The following CDH6 variants were observed in gnomAD, a reference collection of about 807,000 sequenced individuals.
CDH6 encodes the protein cadherin-6.
CDH6 carries 31 observed loss-of-function variants against 78.0 expected under a neutral mutation model. That is an observed-to-expected ratio of 0.40 (90% CI 0.30 to 0.54). CDH6 has a LOEUF of 0.54. Ranked by LOEUF, CDH6 falls within the 20% of genes least tolerant of loss-of-function variation. The pLI, the probability that CDH6 is intolerant of heterozygous loss-of-function variation, is 0.56. For missense variants in CDH6, 724 were observed against 975.9 expected, an observed-to-expected ratio of 0.74 and a Z score of 3.44; for synonymous variants, 376 against 368.8, an observed-to-expected ratio of 1.02 and a Z score of -0.23.
At chr5:31,232,294 G>T (rs934701608) in intron 1 of CDH6, among the ~76,000 whole-genome samples, 1 of 152,106 alleles carries the variant, frequency 6.6e-6, no homozygotes, top group Non-Finnish European at 1.5e-5. Flanking sequence ...ATACATAACT[G>T]GAAAACAGTA....
chr5:31,201,692 C>T (rs1438286504), intron 1 of CDH6, among the ~76,000 whole-genome samples: 2 of 152,116 alleles, frequency 1.3e-5, no homozygotes, highest in African/African-American at 4.8e-5. Context: ...AGTCTGGGGA[C>T]CACTGGTTTA....
chr5:31,209,260 A>G (rs4535467), intron 1 of CDH6, among the ~76,000 whole-genome samples: 126,933 of 152,150 alleles, frequency 0.83, 53,231 homozygotes, highest in Middle Eastern at 0.91. Context: ...GGAAATTGCA[A>G]CTTCCAAGGA....
At chr5:31,312,410 C>T (rs79425438) in intron 7 of CDH6, among the ~76,000 whole-genome samples, 3,784 of 152,254 alleles carry the variant, frequency 0.025, 167 homozygotes, top group African/African-American at 0.086. Context: ...TGCTTAAAAC[C>T]TTTTGTAGCC....
At chr5:31,197,017 C>G (rs1005492062) in intron 1 of CDH6, among the ~76,000 whole-genome samples, 2 of 151,448 alleles carry the variant, frequency 1.3e-5, no homozygotes, top group Non-Finnish European at 2.9e-5. Context: ...AGTGCAATGA[C>G]TGTTTCAGAA....
chr5:31,214,808 A>C (rs189488101), intron 1 of CDH6, among the ~76,000 whole-genome samples: 380 of 152,300 alleles, frequency 2.5e-3, no homozygotes, highest in African/African-American at 8.8e-3. Context: ...CTAGCTTCAA[A>C]ATGTTTGAAC....
chr5:31,304,425 GCTTGTAAT>G (rs1737917863), intron 6 of CDH6, among the ~76,000 whole-genome samples: 1 of 152,070 alleles, frequency 6.6e-6, no homozygotes, highest in Non-Finnish European at 1.5e-5. Context: ...CGTGGCTCAC[GCTTGTAAT>G]CCCAGCACTT....
intron 1 of CDH6, among the ~76,000 whole-genome samples, chr5:31,205,772 T>C (rs1204870505): frequency 6.6e-6 from 1 of 152,202 alleles, no homozygotes. Context: ...TATATGTTCT[T>C]TTTAAAGTAT....
intron 1 of CDH6, among the ~76,000 whole-genome samples, chr5:31,232,901 T>C (rs1225559964): frequency 6.6e-6 from 1 of 152,214 alleles, no homozygotes; most frequent in Admixed American, 6.5e-5. Context: ...TCCTCCAAAA[T>C]AGGTCCTTTA....
rs777800587 is a variant in CDH6, at chr5:31,305,366, A to G, written c.1192A>G (p.Ile398Val). Residue 398 changes from isoleucine to valine, a missense_variant, in exon 7 of 12, where the codon ATA becomes GTA. Transcript: ENST00000265071. ...CTTACAAATAAGAGAAGATGCTCAG[A>G]TAAACACCACAATAGGCTCCGTCAC... The part of the protein sequence containing the change: ...YILQIREDAQ[I>V]NTTIGSVTAQ... The G allele has an allele frequency of 6.2e-7, 1 of 1,614,160 alleles. No homozygotes were observed. Among genetic ancestry groups the G allele is most frequent in the Non-Finnish European group, 8.5e-7 (1 of 1,179,988 alleles).
intron 2 of CDH6, among the ~76,000 whole-genome samples, chr5:31,282,707 C>T (rs888682498): frequency 2.0e-5 from 3 of 152,156 alleles, no homozygotes; most frequent in African/African-American, 7.2e-5. Context: ...TTAAGTTACT[C>T]TGGTACTTTT....
chr5:31,317,098 T>C (rs1738346069), intron 9 of CDH6, among the ~76,000 whole-genome samples: 1 of 152,182 alleles, frequency 6.6e-6, no homozygotes, highest in South Asian at 2.1e-4. Context: ...ATTGTCACAC[T>C]AGAAGGTGCT....
Position 31,294,363 on chromosome 5 carries a change from A to G in CDH6, c.523+107A>G. On this transcript the variant is annotated intron_variant, in intron 3 of 11. Coordinates refer to ENST00000265071, the MANE Select transcript of CDH6 (RefSeq NM_004932.4). The surrounding 1 kb of genome is among the most constrained non-coding windows in gnomAD (Gnocchi z 4.1). ...CTGAACTGCATGAATTTAGATGCTA[A>G]CTTCTTCAATCCATGTATGTCCTTT... 1.2e-6 allele frequency: 1 copy of G among 839,218 alleles called. No homozygotes were observed. Among genetic ancestry groups the G allele is most frequent in the Non-Finnish European group, 1.9e-6 (1 of 515,720 alleles). 52.0% of individuals were successfully genotyped at this position (839,218 alleles called of 1,614,324 possible). A position where few individuals can be genotyped will look rare whatever the true frequency, so the allele number is the denominator to read the frequency against.
intron 1 of CDH6, among the ~76,000 whole-genome samples, chr5:31,214,135 T>C (rs1178491416): frequency 9.2e-6 from 1 of 108,792 alleles, no homozygotes; most frequent in African/African-American, 3.5e-5. Context: ...AAGGAATCTG[T>C]GCCTTAAAAA....
chr5:31,277,231 A>C lies in CDH6; in HGVS notation c.228+9530A>C, dbSNP rs185258152. On this transcript the variant is annotated intron_variant, in intron 2 of 11. Transcript: ENST00000265071. ...CCTGGCAACTGGTAGATTCCCCTCT[A>C]TTTAAGGATATTTATCCTTTCATTT... 2.5e-3 allele frequency among the ~76,000 whole-genome samples: 377 copies of C among 152,316 alleles called. 2 individuals carry two copies. The highest frequency in any genetic ancestry group is 3.9e-3 in the Non-Finnish European group (265 of 68,024).
At chr5:31,304,317 C>T (rs559684575) in intron 6 of CDH6, among the ~76,000 whole-genome samples, 32 of 152,122 alleles carry the variant, frequency 2.1e-4, no homozygotes, top group South Asian at 4.2e-4. Context: ...TTAATCTGCA[C>T]GCCCAGATAT....
At chr5:31,318,137 T>C (rs1738380151) in intron 11 of CDH6, 1 of 623,654 alleles carries the variant, frequency 1.6e-6, no homozygotes, top group African/African-American at 1.8e-5. Context: ...TGCTCGTGTC[T>C]TTGCTTGCCC....
At chr5:31,225,883 C>A (rs1447200041) in intron 1 of CDH6, among the ~76,000 whole-genome samples, 1 of 152,142 alleles carries the variant, frequency 6.6e-6, no homozygotes, top group African/African-American at 2.4e-5. Flanking sequence ...CTGAATAGCA[C>A]AGAGGTTAAA....
chr5:31,297,503 T>C, intron 4 of CDH6, 95 bp downstream of exon 4: 1 of 884,092 alleles, frequency 1.1e-6, no homozygotes, highest in South Asian at 1.8e-5. Context: ...TCAATGTGAT[T>C]GGATTTTCTT....
At chr5:31,292,845 A>ATG (rs1342097893) in intron 2 of CDH6, among the ~76,000 whole-genome samples, 2 of 2,138 alleles carry the variant, frequency 9.4e-4, no homozygotes, top group Non-Finnish European at 2.2e-3. Flanking sequence ...ATATATATAT[A>ATG]TGTGTGCATA....
Sources: allele counts gnomAD v4.1 joint callset (sites outside exome capture counted in the v4.1 genomes callset), GRCh38; gene constraint gnomAD v4.1.1; non-coding constraint Gnocchi (gnomAD v3.1); transcripts MANE v1.5; gene names NCBI Gene and HGNC (gene_info 2026-07-23, HGNC 2026-07-21).